DNAJC7: variants seen among roughly 807,000 people sequenced by gnomAD.
DNAJC7 encodes dnaJ homolog subfamily C member 7.
DNAJC7 carries 18 observed loss-of-function variants against 67.4 expected under a neutral mutation model. The observed-to-expected ratio is 0.27, with a 90% CI of 0.18 to 0.40. The LOEUF is 0.40. Ranked by LOEUF, DNAJC7 falls within the 10% of genes least tolerant of loss-of-function variation. DNAJC7 has a pLI of 1.00. For synonymous variants in DNAJC7, 220 were observed against 207.8 expected, an observed-to-expected ratio of 1.06 and a Z score of -0.50; for missense variants, 419 against 613.8, an observed-to-expected ratio of 0.68 and a Z score of 3.35.
chr17:42,006,009 T>C (rs1555650170), intron 1 of DNAJC7, among the ~76,000 whole-genome samples: 1 of 152,106 alleles, frequency 6.6e-6, no homozygotes, highest in African/African-American at 2.4e-5. Context: ...AGTGGCGTGA[T>C]CTCAGCTCAC....
At chr17:41,986,388 C>T (rs1318269424) in intron 9 of DNAJC7, among the ~76,000 whole-genome samples, 2 of 152,036 alleles carry the variant, frequency 1.3e-5, no homozygotes, top group East Asian at 3.9e-4. Flanking sequence ...GAGACTCCAT[C>T]CCAAAAAATA....
At chr17:42,002,412 G>A (rs1555649594) in intron 1 of DNAJC7, among the ~76,000 whole-genome samples, 1 of 152,202 alleles carries the variant, frequency 6.6e-6, no homozygotes, top group East Asian at 1.9e-4. Flanking sequence ...GTACAGGGCT[G>A]CTGAAAGGTG....
Position 41,977,248 on chromosome 17 carries a change from C to A in DNAJC7, c.1447+13G>T, listed in dbSNP as rs201838329. 1.1e-5 allele frequency: 18 copies of A among 1,575,648 alleles called. No individual in the cohort carries two copies. In the East Asian group the frequency reaches 4.0e-4, roughly 35 times the overall value. The stretch of plus-strand genomic sequence containing the variant: ...GTGATCTGGGAACTCCCAAGAACAG[C>A]AGGCCCACCTACCTTCAAAGCTGAA... On this transcript the variant is annotated intron_variant, in intron 13 of 13. Coordinates refer to ENST00000457167, the MANE Select transcript of DNAJC7 (RefSeq NM_003315.4).
Position 42,010,184 on chromosome 17 carries a change from GA to G in DNAJC7, c.77+7155del, listed in dbSNP as rs369550195. On this transcript the variant is annotated intron_variant, in intron 1 of 13. Coordinates refer to ENST00000457167, the MANE Select transcript of DNAJC7 (RefSeq NM_003315.4). The stretch of plus-strand genomic sequence containing the variant: ...AAAGAGACAGACAGAAAGAGAGAAA[GA>G]AAGAGGCTACTTCCTAGGCCGGGTG... Among the ~76,000 whole-genome samples, 46 of 148,246 alleles carry G rather than the reference GA, an allele frequency of 3.1e-4. No individual in the cohort carries two copies. In the South Asian group the frequency reaches 7.5e-3, roughly 24 times the overall value.
chr17:41,979,237 G>T (rs1163732502), intron 12 of DNAJC7, among the ~76,000 whole-genome samples: 1 of 151,870 alleles, frequency 6.6e-6, no homozygotes, highest in African/African-American at 2.4e-5. Context: ...TACTCAGGAG[G>T]CTGAGGCAGG....
At chr17:41,989,260 C>G in intron 7 of DNAJC7, 144 bp downstream of exon 7, 1 of 1,184,012 alleles carries the variant, frequency 8.4e-7, no homozygotes, top group Non-Finnish European at 1.2e-6. Flanking sequence ...GTCCTGAAAC[C>G]ATTTCTAATA....
intron 5 of DNAJC7, among the ~76,000 whole-genome samples, chr17:41,993,623 C>T (rs2051568942): frequency 6.6e-6 from 1 of 152,200 alleles, no homozygotes; most frequent in East Asian, 1.9e-4. Flanking sequence ...TGGTTTTTAA[C>T]CTTTTTGGGG....
chr17:42,001,724 C>T (rs1555649503), intron 1 of DNAJC7, among the ~76,000 whole-genome samples: 3 of 152,190 alleles, frequency 2.0e-5, no homozygotes, highest in Admixed American at 1.3e-4. Context: ...CAGCAATTTA[C>T]AGCTTGAGTC....
At chr17:41,980,918 T>A (rs782408205) in intron 12 of DNAJC7, among the ~76,000 whole-genome samples, 5 of 152,234 alleles carry the variant, frequency 3.3e-5, no homozygotes, top group African/African-American at 1.2e-4. Context: ...ACAGCCCTTA[T>A]GGCCTGTGAG....
At chr17:41,997,069 A>C in intron 3 of DNAJC7, 46 bp downstream of exon 3, 1 of 1,612,274 alleles carries the variant, frequency 6.2e-7, no homozygotes, top group African/African-American at 1.3e-5. Flanking sequence ...GAGAAACTCA[A>C]CTGTAGCAAC....
intron 1 of DNAJC7, among the ~76,000 whole-genome samples, chr17:42,009,422 T>TAA: frequency 6.6e-6 from 1 of 152,344 alleles, no homozygotes; most frequent in South Asian, 2.1e-4. Flanking sequence ...AAGCTGTGCC[T>TAA]GGCTATGCAG....
intron 2 of DNAJC7, 124 bp downstream of exon 2, chr17:42,000,358 A>G (rs1181306259): frequency 1.6e-6 from 1 of 642,076 alleles, no homozygotes; most frequent in Non-Finnish European, 2.6e-6. Context: ...ATCTAAAGTG[A>G]TCCTCCTGCT....
At chr17:41,992,692 C>T (rs1392877633) in intron 5 of DNAJC7, 1 of 152,254 alleles carries the variant, frequency 6.6e-6, no homozygotes, top group African/African-American at 2.4e-5. Context: ...TCCCACCCCC[C>T]AACCTCCCCA....
chr17:42,008,752 G>A (rs543104152), intron 1 of DNAJC7, among the ~76,000 whole-genome samples: 1 of 152,030 alleles, frequency 6.6e-6, no homozygotes, highest in East Asian at 1.9e-4. Flanking sequence ...TTGTTGCCCA[G>A]GCTGGAGTGC....
At chr17:41,998,980 G>GT (rs1567964883) in intron 2 of DNAJC7, among the ~76,000 whole-genome samples, 1 of 151,852 alleles carries the variant, frequency 6.6e-6, no homozygotes, top group African/African-American at 2.4e-5. Context: ...GAGCCCAGGA[G>GT]TTTGAGACCA....
At chr17:41,989,331 C>A in intron 7 of DNAJC7, 73 bp downstream of exon 7, 1 of 1,555,484 alleles carries the variant, frequency 6.4e-7, no homozygotes, top group Non-Finnish European at 8.7e-7. Context: ...GATTCTAAAA[C>A]CTTCCACTCT....
intron 4 of DNAJC7, 43 bp downstream of exon 4, chr17:41,996,268 T>C (rs2051654971): frequency 6.3e-7 from 1 of 1,598,436 alleles, no homozygotes; most frequent in Non-Finnish European, 8.6e-7. Context: ...CTCCCAAATA[T>C]ACCATACTGC....
Position 41,996,281 on chromosome 17 carries a change from C to G in DNAJC7, c.405+30G>C, listed in dbSNP as rs782772329. 4 of 1,609,170 alleles carry G rather than the reference C, an allele frequency of 2.5e-6. No homozygotes were observed. The African/African-American group carries it at 4.0e-5, about 16-fold the overall frequency. ...TCCTCCCAAATATACCATACTGCCT[C>G]TTTTGACAGAAACAGGATCAGACCC... On this transcript the variant is annotated intron_variant, in intron 4 of 13. Coordinates refer to ENST00000457167, the MANE Select transcript of DNAJC7 (RefSeq NM_003315.4).
intron 9 of DNAJC7, 75 bp downstream of exon 9, chr17:41,987,744 C>T: frequency 7.6e-7 from 1 of 1,312,420 alleles, no homozygotes; most frequent in Non-Finnish European, 1.1e-6. Flanking sequence ...TCTGGGTCTG[C>T]TTCGTCATCC....
Sources: allele counts gnomAD v4.1 joint callset (sites outside exome capture counted in the v4.1 genomes callset), GRCh38; gene constraint gnomAD v4.1.1; transcripts MANE v1.5; gene names NCBI Gene and HGNC (gene_info 2026-07-23, HGNC 2026-07-21).